Variants in SOX8 observed in about 807,000 individuals in gnomAD.
The protein encoded by SOX8 is transcription factor SOX-8.
A neutral mutation model predicts 22.9 loss-of-function variants in SOX8; 9 were observed. The ratio of observed to expected loss-of-function variants is 0.39; its 90% CI spans 0.24 to 0.69. The LOEUF (loss-of-function observed/expected upper bound fraction) is 0.69. SOX8 is among the 30% of genes least tolerant of loss of function. The pLI is 0.43. For synonymous variants in SOX8, 416 were observed against 330.6 expected, an observed-to-expected ratio of 1.26 and a Z score of -2.80; for missense variants, 734 against 699.4, an observed-to-expected ratio of 1.05 and a Z score of -0.56.
At position 982,015 on chromosome 16, in the gene SOX8, C is replaced by A; in HGVS notation, c.93C>A (p.Asp31Glu). 1.4e-6 allele frequency: 2 copies of A among 1,405,428 alleles called. No individual in the cohort carries two copies. The highest frequency in any genetic ancestry group is 5.0e-5 in the Admixed American group (2 of 39,800). 87.1% of individuals were successfully genotyped at this position (1,405,428 alleles called of 1,614,324 possible). A position where few individuals can be genotyped will look rare whatever the true frequency, so the allele number is the denominator to read the frequency against. Residue 31 changes from aspartate to glutamate, a missense_variant, in exon 1 of 3, where the codon GAC becomes GAA. Physicochemically the swap from Asp to Glu is conservative, Grantham distance 45. This residue lies in a region of SOX8 where 139 missense variants were observed against 109.1 expected (regional missense o/e 1.27). Coordinates refer to ENST00000293894, the MANE Select transcript of SOX8 (RefSeq NM_014587.5). Reference protein sequence around the residue: ...SMSHVEDSDSDAPPSPAGSEG... With the variant: ...SMSHVEDSDSEAPPSPAGSEG... Reference sequence around the variant, plus strand: ...CGCACGTGGAGGACTCGGACTCGGACGCGCCGCCGTCTCCCGCCGGCTCCG... The same window carrying A: ...CGCACGTGGAGGACTCGGACTCGGAAGCGCCGCCGTCTCCCGCCGGCTCCG...
chr16:985,496 C>G lies in SOX8; in HGVS notation c.*110C>G. 1 of 900,724 alleles carries G rather than the reference C, an allele frequency of 1.1e-6. No homozygotes were observed. 55.8% of individuals were successfully genotyped at this position (900,724 alleles called of 1,614,324 possible). ...CCAGTGGCTGAGCTCCAAGTGCCTG[C>G]TGAAGTCTGCAGGGAAACACGCTTG... On this transcript the variant is annotated 3_prime_UTR_variant, in exon 3 of 3. Coordinates refer to ENST00000293894, the MANE Select transcript of SOX8 (RefSeq NM_014587.5).
At chr16:982,371 G>T in intron 1 of SOX8, 27 bp downstream of exon 1, 1 of 1,324,160 alleles carries the variant, frequency 7.6e-7, no homozygotes, top group South Asian at 2.1e-5. Flanking sequence ...CGGGGGCGGG[G>T]TTCGGGACCT....
At chr16:983,525 C>T (rs528057914) in intron 1 of SOX8, 1 of 489,458 alleles carries the variant, frequency 2.0e-6, no homozygotes, top group South Asian at 3.8e-5. Flanking sequence ...AGCATACCAA[C>T]CTTCCCAAAC....
chr16:984,688 C>T lies in SOX8; in HGVS notation c.656-13C>T, dbSNP rs1455146459. On this transcript the variant is annotated splice_polypyrimidine_tract_variant and intron_variant, in intron 2 of 2. Transcript: ENST00000293894. ...GGGGCATTCATCCCTGAAGCCTGCT[C>T]TCCTGTCCCCAGGGCAGACCCACGG... 3 of 1,484,286 alleles carry T rather than the reference C, an allele frequency of 2.0e-6. No homozygotes were observed. Among genetic ancestry groups the T allele is most frequent in the Non-Finnish European group, 2.7e-6 (3 of 1,118,660 alleles). The allele number at this position is 1,484,286 out of a possible 1,614,324, so 91.9% of individuals were successfully genotyped here. A position where few individuals can be genotyped will look rare whatever the true frequency, so the allele number is the denominator to read the frequency against.
chr16:982,358 C>T lies in SOX8; in HGVS notation c.422+14C>T, dbSNP rs780226467. 1.5e-6 allele frequency: 2 copies of T among 1,342,282 alleles called. No individual in the cohort carries two copies. The highest frequency in any genetic ancestry group is 4.1e-5 in the South Asian group (2 of 49,042). The allele number at this position is 1,342,282 out of a possible 1,614,324, so 83.1% of individuals were successfully genotyped here. On this transcript the variant is annotated intron_variant, in intron 1 of 2. Transcript: ENST00000293894. Reference sequence around the variant, plus strand: ...CAAGCTGTGGCGGTGAGTGCCGGCGCCCCGGGGGCGGGGTTCGGGACCTTG... The same window carrying T: ...CAAGCTGTGGCGGTGAGTGCCGGCGTCCCGGGGGCGGGGTTCGGGACCTTG...
At chr16:982,387 G>GC in intron 1 of SOX8, 43 bp downstream of exon 1, 5 of 1,302,584 alleles carry the variant, frequency 3.8e-6, no homozygotes, top group Non-Finnish European at 4.9e-6. Context: ...GACCTTGGCC[G>GC]CCCCTGGTCT....
At position 983,753 on chromosome 16, in the gene SOX8, C is replaced by G; in HGVS notation, c.448C>G (p.Pro150Ala). The change falls in exon 2 of 3, where the codon CCC becomes GCC. Residue 150 changes from proline to alanine, a missense_variant. This residue lies in a region of SOX8 where 588 missense variants were observed against 568.2 expected (regional missense o/e 1.03). Coordinates refer to ENST00000293894, the MANE Select transcript of SOX8 (RefSeq NM_014587.5). ...CTTGCTGAGCGAGAGCGAGAAGCGGCCCTTCGTGGAGGAGGCAGAGCGCCT... is the reference window on the plus strand; with the variant it reads ...CTTGCTGAGCGAGAGCGAGAAGCGGGCCTTCGTGGAGGAGGCAGAGCGCCT... ...WRLLSESEKR[P>A]FVEEAERLRV... 6.2e-7 allele frequency: 1 copy of G among 1,612,550 alleles called. No homozygotes were observed. The highest frequency in any genetic ancestry group is 8.5e-7 in the Non-Finnish European group (1 of 1,179,676).
chr16:983,546 C>G (rs556974645), intron 1 of SOX8, 182 bp from the exon 2 acceptor site: 1 of 507,400 alleles, frequency 2.0e-6, no homozygotes, highest in African/African-American at 2.0e-5. Flanking sequence ...AGGCGCCGGC[C>G]GGTTCTCCCA....
At chr16:984,591 G>A (rs1337151443) in intron 2 of SOX8, 110 bp from the exon 3 acceptor site, 13 of 628,500 alleles carry the variant, frequency 2.1e-5, no homozygotes, top group East Asian at 1.5e-4. Flanking sequence ...ACAAAAAGCC[G>A]TTGATCCCCC....
chr16:981,830 C>T lies in SOX8; in HGVS notation c.-93C>T. ...AGGGGCGAGGGTCGGGGCCACCGCG[C>T]GGCGACCTCGGGTCCCGGAGCGACC... On this transcript the variant is annotated 5_prime_UTR_variant, in exon 1 of 3. Coordinates refer to ENST00000293894, the MANE Select transcript of SOX8 (RefSeq NM_014587.5). 3 of 731,928 alleles carry T rather than the reference C, an allele frequency of 4.1e-6. No individual in the cohort carries two copies. Among genetic ancestry groups the T allele is most frequent in the Non-Finnish European group, 5.1e-6 (3 of 586,456 alleles). 45.3% of individuals were successfully genotyped at this position (731,928 alleles called of 1,614,324 possible).
rs562484394 is a variant in SOX8, at chr16:985,165, G to A, written c.1120G>A (p.Gly374Ser). ...QSSATPAAPA[G>S]PFAGSQGDYG... ...CAGCGCCACCCCGGCCGCCCCCGCC[G>A]GCCCCTTCGCCGGCTCACAGGGCGA... Residue 374 changes from glycine to serine, a missense_variant, in exon 3 of 3, where the codon GGC (glycine) becomes AGC (serine). By Grantham distance (56) the Gly-to-Ser change is moderately conservative. Coordinates refer to ENST00000293894, the MANE Select transcript of SOX8 (RefSeq NM_014587.5). The A allele has an allele frequency of 5.9e-5, 95 of 1,608,194 alleles. No homozygotes were observed. The highest frequency in any genetic ancestry group is 1.7e-4 in the Middle Eastern group (1 of 6,026).
Position 982,150 on chromosome 16 carries a change from C to T in SOX8, c.228C>T (p.Leu76=), listed in dbSNP as rs778335867. The T allele has an allele frequency of 6.2e-5, 91 of 1,471,102 alleles. No homozygotes were observed. Among genetic ancestry groups the T allele is most frequent in the Admixed American group, 2.5e-4 (11 of 43,614 alleles). The allele number at this position is 1,471,102 out of a possible 1,614,324, so 91.1% of individuals were successfully genotyped here. A position where few individuals can be genotyped will look rare whatever the true frequency, so the allele number is the denominator to read the frequency against. ...ACIRDAVSQV[L]KGYDWSLVPM... is the part of the protein sequence containing the mutation. The stretch of plus-strand genomic sequence containing the variant: ...TCCGCGACGCCGTGTCGCAGGTGCT[C>T]AAGGGCTACGACTGGAGTCTGGTGC... The change falls in exon 1 of 3, where the codon CTC becomes CTT. Residue 76 remains leucine, a synonymous_variant. Coordinates refer to ENST00000293894, the MANE Select transcript of SOX8 (RefSeq NM_014587.5).
Position 984,330 on chromosome 16 carries a change from C to G in SOX8, c.655+370C>G, listed in dbSNP as rs111747647. Among the ~76,000 whole-genome samples the G allele has an allele frequency of 6.4e-3, 976 of 152,354 alleles. 15 individuals carry two copies. The highest frequency in any genetic ancestry group is 0.022 in the African/African-American group (909 of 41,594). ...ACAGGGTGGAGTCCTGCCGGGGCCT[C>G]GGTCAGGCTGGCTGACGCCCGCCAG... On this transcript the variant is annotated intron_variant, in intron 2 of 2. Coordinates refer to ENST00000293894, the MANE Select transcript of SOX8 (RefSeq NM_014587.5).
chr16:984,678 G>T (rs1361777013), intron 2 of SOX8, 23 bp from the exon 3 acceptor site: 1 of 1,444,562 alleles, frequency 6.9e-7, no homozygotes, highest in East Asian at 2.7e-5. Flanking sequence ...ATTCATCCCT[G>T]AAGCCTGCTC....
In SOX8 at chr16:984,990, G is replaced by A. The variant is rs766357551; in HGVS notation, c.945G>A (p.Val315=). 38 of 1,585,978 alleles carry A rather than the reference G, an allele frequency of 2.4e-5. No homozygotes were observed. Among genetic ancestry groups the A allele is most frequent in the Non-Finnish European group, 2.9e-5 (34 of 1,169,462 alleles). The stretch of plus-strand genomic sequence containing the variant: ...ACTTCCACGCCGGGGCGTCCCCCGT[G>A]TGGGCCCACAAGAGTGCCCCGTCGG... ...GAYFHAGASP[V]WAHKSAPSAS... is the part of the protein sequence containing the mutation. Residue 315 remains valine (V), a synonymous_variant, in exon 3 of 3, where the codon GTG becomes GTA. Coordinates refer to ENST00000293894, the MANE Select transcript of SOX8 (RefSeq NM_014587.5).
chr16:981,887 G>A lies in SOX8; in HGVS notation c.-36G>A, dbSNP rs771242427. 2.8e-5 allele frequency: 32 copies of A among 1,161,794 alleles called. No homozygotes were observed. In the South Asian group the frequency reaches 1.1e-3, roughly 41 times the overall value. 72.0% of individuals were successfully genotyped at this position (1,161,794 alleles called of 1,614,324 possible). Reference sequence around the variant, plus strand: ...CAGCCCCGGGCGCCGGCCCCGGTGCGCGTCTCCTGTGCGCGCCCCTCCGCG... The same window carrying A: ...CAGCCCCGGGCGCCGGCCCCGGTGCACGTCTCCTGTGCGCGCCCCTCCGCG... On this transcript the variant is annotated 5_prime_UTR_variant, in exon 1 of 3. Transcript: ENST00000293894.
In SOX8 at chr16:986,736, T is replaced by C. The variant is rs146323674; in HGVS notation, c.*1350T>C. 2.6e-3 allele frequency: 395 copies of C among 152,322 alleles called. 2 individuals are homozygous for C. The highest frequency in any genetic ancestry group is 9.0e-3 in the African/African-American group (372 of 41,488). 9.4% of individuals were successfully genotyped at this position (152,322 alleles called of 1,614,324 possible). A position where few individuals can be genotyped will look rare whatever the true frequency, so the allele number is the denominator to read the frequency against. Reference sequence around the variant, plus strand: ...AAACACAGCCGAGAAGTTGCTTCTTTGTACTTTTTCTACTTTTCCTACTTT... The same window carrying C: ...AAACACAGCCGAGAAGTTGCTTCTTCGTACTTTTTCTACTTTTCCTACTTT... On this transcript the variant is annotated 3_prime_UTR_variant, in exon 3 of 3. Coordinates refer to ENST00000293894, the MANE Select transcript of SOX8 (RefSeq NM_014587.5).
At chr16:982,991 C>T (rs1440306799) in intron 1 of SOX8, 1 of 152,332 alleles carries the variant, frequency 6.6e-6, no homozygotes, top group Non-Finnish European at 1.5e-5. Context: ...GAGTGAAGAA[C>T]TTGTTGCTCA....
chr16:985,074 G>A lies in SOX8; in HGVS notation c.1029G>A (p.Pro343=), dbSNP rs754350904. 7 of 1,585,546 alleles carry A rather than the reference G, an allele frequency of 4.4e-6. 1 individual carries two copies. The highest frequency in any genetic ancestry group is 3.3e-5 in the South Asian group (3 of 89,580). ...PPRPHIKTEQ[P]SPGHYGDQPR... is the part of the protein sequence containing the mutation. ...GGCCGCACATCAAGACGGAGCAGCC[G>A]AGCCCCGGCCACTACGGCGACCAGC... Residue 343 remains proline, a synonymous_variant, in exon 3 of 3, where the codon CCG becomes CCA. Coordinates refer to ENST00000293894, the MANE Select transcript of SOX8 (RefSeq NM_014587.5).
Sources: gnomAD v4.1 joint callset for allele counts (sites outside exome capture counted in the v4.1 genomes callset) on GRCh38, gnomAD v4.1.1 for gene constraint, gnomAD v4.1.1 regional missense constraint, MANE v1.5 for transcripts, NCBI Gene and HGNC (gene_info 2026-07-23, HGNC 2026-07-21) for gene names.